Variants in CATSPERT observed in about 807,000 individuals in gnomAD.
CATSPERT encodes catsper channel auxiliary subunit tau, also known as cation channel sperm-associated targeting subunit tau.
At chr2:201,564,437 A>AG in the CATSPERT span, among the ~76,000 whole-genome samples, 1 of 151,952 alleles carries the variant, frequency 6.6e-6, no homozygotes, top group African/African-American at 2.4e-5. Flanking sequence ...CTAAGAGAAA[A>AG]AAACCAATAA....
the CATSPERT span, chr2:201,493,983 A>G: frequency 1.3e-6 from 2 of 1,536,720 alleles, no homozygotes; most frequent in Non-Finnish European, 1.7e-6. Flanking sequence ...GTGAATATTC[A>G]GGAATATTTT....
At chr2:201,592,423 G>A in the CATSPERT span, among the ~76,000 whole-genome samples, 1 of 147,068 alleles carries the variant, frequency 6.8e-6, no homozygotes, top group Admixed American at 6.9e-5. Context: ...GTTCATCAAG[G>A]ATATTGGTCT....
the CATSPERT span, among the ~76,000 whole-genome samples, chr2:201,612,592 A>T: frequency 1.3e-5 from 2 of 150,498 alleles, no homozygotes; most frequent in African/African-American, 4.9e-5. Context: ...AAAAAAAAAA[A>T]AAAAAAAGCC....
chr2:201,595,222 A>C, the CATSPERT span, among the ~76,000 whole-genome samples: 2 of 136,294 alleles, frequency 1.5e-5, no homozygotes, highest in Non-Finnish European at 1.5e-5. Context: ...ACGGAGTCTC[A>C]CTGTCGCCCA....
At chr2:201,487,999 AAAG>A in the CATSPERT span, 1 of 979,364 alleles carries the variant, frequency 1.0e-6, no homozygotes, top group Non-Finnish European at 1.5e-6. Flanking sequence ...TCAAAAGAAA[AAAG>A]AAAAACAAAC....
At chr2:201,580,601 G>T in the CATSPERT span, among the ~76,000 whole-genome samples, 8 of 152,158 alleles carry the variant, frequency 5.3e-5, no homozygotes, top group Non-Finnish European at 2.9e-5. Flanking sequence ...AATAATCTAT[G>T]TTCAAGTTAT....
At chr2:201,563,307 C>T in the CATSPERT span, among the ~76,000 whole-genome samples, 196 of 124,512 alleles carry the variant, frequency 1.6e-3, 1 homozygote, top group African/African-American at 5.6e-3. Flanking sequence ...GGCGGCTGGC[C>T]GGGCGGGGGG....
the CATSPERT span, among the ~76,000 whole-genome samples, chr2:201,585,627 CA>C: frequency 2.3e-4 from 35 of 150,874 alleles, no homozygotes; most frequent in African/African-American, 7.8e-4. Context: ...ATTAAAAATA[CA>C]AAAAAAAGAG....
At chr2:201,492,186 A>G in the CATSPERT span, 2 of 1,521,716 alleles carry the variant, frequency 1.3e-6, no homozygotes, top group African/African-American at 2.8e-5. Context: ...TTGAATATTT[A>G]TTTTGCTTTT....
the CATSPERT span, chr2:201,550,071 C>A: frequency 3.3e-5 from 5 of 152,034 alleles, no homozygotes; most frequent in Non-Finnish European, 7.4e-5. Flanking sequence ...ATGGAAATGT[C>A]AATTTTCATA....
At chr2:201,553,447 C>T in the CATSPERT span, 1 of 152,142 alleles carries the variant, frequency 6.6e-6, no homozygotes, top group Non-Finnish European at 1.5e-5. Context: ...CTTCCAATGA[C>T]TACATGTAAT....
At chr2:201,533,425 T>C in the CATSPERT span, among the ~76,000 whole-genome samples, 2 of 152,216 alleles carry the variant, frequency 1.3e-5, no homozygotes, top group Non-Finnish European at 2.9e-5. Context: ...GTCAACTGAC[T>C]GATATATGCC....
chr2:201,588,761 G>A, the CATSPERT span, among the ~76,000 whole-genome samples: 1 of 151,896 alleles, frequency 6.6e-6, no homozygotes, highest in Non-Finnish European at 1.5e-5. Flanking sequence ...TCCTGGCCAG[G>A]GCAATCAGGC....
the CATSPERT span, among the ~76,000 whole-genome samples, chr2:201,556,366 A>AGG: frequency 6.6e-6 from 1 of 152,092 alleles, no homozygotes; most frequent in Non-Finnish European, 1.5e-5. Context: ...AAAATTAGCC[A>AGG]GGGGTGGTGG....
At chr2:201,493,756 T>C in the CATSPERT span, 2 of 1,537,226 alleles carry the variant, frequency 1.3e-6, no homozygotes, top group East Asian at 4.9e-5. Flanking sequence ...CATAATGTAG[T>C]CATGTACAGT....
chr2:201,521,111 A>G, the CATSPERT span, among the ~76,000 whole-genome samples: 1 of 152,032 alleles, frequency 6.6e-6, no homozygotes, highest in Non-Finnish European at 1.5e-5. Flanking sequence ...GTAATAAAAC[A>G]TCTCCTAACA....
the CATSPERT span, among the ~76,000 whole-genome samples, chr2:201,526,634 A>T: frequency 6.6e-6 from 1 of 152,220 alleles, no homozygotes; most frequent in African/African-American, 2.4e-5. Flanking sequence ...AAATCAATAA[A>T]TGTGATTCAT....
At chr2:201,507,951 G>T in the CATSPERT span, among the ~76,000 whole-genome samples, 1 of 152,124 alleles carries the variant, frequency 6.6e-6, no homozygotes, top group African/African-American at 2.4e-5. Flanking sequence ...GAACAAGGGG[G>T]AAGTCCACCG....
the CATSPERT span, among the ~76,000 whole-genome samples, chr2:201,611,697 C>CA: frequency 0.86 from 129,379 of 149,742 alleles, 56,826 homozygotes; most frequent in East Asian, 0.96. Context: ...TATCAACAGT[C>CA]AAAAAAAAAA....
Sources: allele counts gnomAD v4.1 joint callset (sites outside exome capture counted in the v4.1 genomes callset), GRCh38; gene constraint gnomAD v4.1.1; transcripts MANE v1.5; gene names NCBI Gene and HGNC (gene_info 2026-07-23, HGNC 2026-07-21).